Variants in PCDHA8 observed in about 807,000 individuals in gnomAD.
PCDHA8 encodes protocadherin alpha 8, also known as protocadherin alpha-8.
In PCDHA8, 53 loss-of-function variants were observed where a neutral mutation model predicts 61.8. The ratio of observed to expected loss-of-function variants is 0.86; its 90% confidence interval spans 0.69 to 1.08. The LOEUF (loss-of-function observed/expected upper bound fraction) is 1.08. PCDHA8 is among the 50% of genes least tolerant of loss of function. The pLI, the probability that PCDHA8 is intolerant of heterozygous loss-of-function variation, is 0.00. For synonymous variants in PCDHA8, 618 were observed against 556.6 expected, an observed-to-expected ratio of 1.11 and a Z score of -1.55; for missense variants, 1,293 against 1,245.0, an observed-to-expected ratio of 1.04 and a Z score of -0.58.
At chr5:140,993,777 G>A (rs1397168086) in intron 3 of PCDHA8, among the ~76,000 whole-genome samples, 1 of 152,042 alleles carries the variant, frequency 6.6e-6, no homozygotes, top group Non-Finnish European at 1.5e-5. Flanking sequence ...GCAGTATTTT[G>A]TACAGTAACA....
chr5:140,959,493 A>C (rs533403086), intron 1 of PCDHA8, among the ~76,000 whole-genome samples: 3 of 152,280 alleles, frequency 2.0e-5, no homozygotes, highest in South Asian at 2.1e-4. Context: ...TTATATATGG[A>C]TCAAACTAAA....
chr5:140,856,074 G>A, intron 1 of PCDHA8: 1 of 1,592,254 alleles, frequency 6.3e-7, no homozygotes, highest in Non-Finnish European at 8.6e-7. Context: ...AGCTGCCTGG[G>A]GGTCCAGTGT....
At chr5:140,929,010 G>A in intron 1 of PCDHA8, 2 of 1,614,128 alleles carry the variant, frequency 1.2e-6, no homozygotes, top group Non-Finnish European at 1.7e-6. Flanking sequence ...TGTGTACCAA[G>A]TTGCACCAGA....
intron 1 of PCDHA8, chr5:140,869,196 C>G (rs2050913789): frequency 6.2e-7 from 1 of 1,614,030 alleles, no homozygotes; most frequent in Non-Finnish European, 8.5e-7. Flanking sequence ...GCGGCCAGCT[C>G]CACTACTCCG....
chr5:140,941,191 T>TTTTTCTTTC lies in PCDHA8; in HGVS notation c.2395-37755_2395-37754insTCTTTCTTT, dbSNP rs1554213809. 3.1e-4 allele frequency among the ~76,000 whole-genome samples: 29 copies of TTTTTCTTTC among 93,252 alleles called. No homozygotes were observed. The East Asian group carries it at 6.1e-3, about 20-fold the overall frequency. 61.2% of individuals were successfully genotyped at this position (93,252 alleles called of 152,430 possible). On this transcript the variant is annotated intron_variant, in intron 1 of 3. Transcript: ENST00000531613. ...CATCTTGAACATCCTGCTTCTTTTT[T>TTTTTCTTTC]TTTCTTTCTTCCTTTCTTTCTTCCT...
chr5:141,004,933 AAAAT>A (rs1336216932), intron 3 of PCDHA8, among the ~76,000 whole-genome samples: 1 of 152,198 alleles, frequency 6.6e-6, no homozygotes, highest in Non-Finnish European at 1.5e-5. Flanking sequence ...AAGAGAGAAG[AAAAT>A]TTCTTACCCT....
In PCDHA8 at chr5:140,851,551, T is replaced by C; in HGVS notation, c.2394+7836T>C. Reference sequence around the variant, plus strand: ...GACAATGTAGATAATTCAAGAAATGTTGACTGAAATTTTGTCTACACTTAG... The same window carrying C: ...GACAATGTAGATAATTCAAGAAATGCTGACTGAAATTTTGTCTACACTTAG... On this transcript the variant is annotated intron_variant, in intron 1 of 3. Coordinates refer to ENST00000531613, the MANE Select transcript of PCDHA8 (RefSeq NM_018911.3). The C allele has an allele frequency of 5.5e-6, 5 of 908,010 alleles. No individual in the cohort carries two copies. In the South Asian group the frequency reaches 2.0e-4, roughly 36 times the overall value. The allele number at this position is 908,010 out of a possible 1,614,324, so 56.2% of individuals were successfully genotyped here. A position where few individuals can be genotyped will look rare whatever the true frequency, so the allele number is the denominator to read the frequency against.
intron 1 of PCDHA8, among the ~76,000 whole-genome samples, chr5:140,872,820 T>C (rs1233972983): frequency 6.6e-6 from 1 of 152,216 alleles, no homozygotes; most frequent in African/African-American, 2.4e-5. Flanking sequence ...TTCAGATTCA[T>C]CTAGCAGAGA....
At position 140,842,234 on chromosome 5, in the gene PCDHA8, C is replaced by T. The variant is rs2150332362; in HGVS notation, c.913C>T (p.Arg305Trp). 8 of 1,612,528 alleles carry T rather than the reference C, an allele frequency of 5.0e-6. No homozygotes were observed. Among genetic ancestry groups the T allele is most frequent in the Admixed American group, 1.7e-5 (1 of 59,984 alleles). The change falls in exon 1 of 4, where the codon CGG (arginine) becomes TGG (tryptophan). Residue 305 changes from arginine (R) to tryptophan (W), a missense_variant. Physicochemically the swap from Arg to Trp is moderately radical, Grantham distance 101. Coordinates refer to ENST00000531613, the MANE Select transcript of PCDHA8 (RefSeq NM_018911.3). The part of the protein sequence containing the change: ...IDRNTGEIVI[R>W]GNLDFEQENL... ...TCGAAATACGGGAGAAATAGTGATT[C>T]GGGGTAATTTGGATTTTGAACAAGA...
At chr5:140,950,458 A>G (rs568340492) in intron 1 of PCDHA8, among the ~76,000 whole-genome samples, 5 of 152,142 alleles carry the variant, frequency 3.3e-5, no homozygotes, top group Admixed American at 2.6e-4. Flanking sequence ...CTGTCTTCTA[A>G]TGCTCATAGT....
At chr5:140,882,633 A>G in intron 1 of PCDHA8, 1 of 1,614,220 alleles carries the variant, frequency 6.2e-7, no homozygotes, top group Non-Finnish European at 8.5e-7. Context: ...GTGGAGGTGA[A>G]GGTGAGGGAC....
intron 1 of PCDHA8, among the ~76,000 whole-genome samples, chr5:140,892,059 G>A (rs1165045634): frequency 6.6e-6 from 1 of 152,108 alleles, no homozygotes; most frequent in African/African-American, 2.4e-5. Context: ...CAAATTTATT[G>A]TTACTTTGTA....
chr5:140,906,816 G>A (rs574852506), intron 1 of PCDHA8, among the ~76,000 whole-genome samples: 6 of 152,360 alleles, frequency 3.9e-5, no homozygotes, highest in African/African-American at 1.4e-4. Context: ...TACCTCCACT[G>A]TGGAGTAGTA....
chr5:140,845,017 A>T lies in PCDHA8; in HGVS notation c.2394+1302A>T, dbSNP rs1779662524. On this transcript the variant is annotated intron_variant, in intron 1 of 3. Transcript: ENST00000531613. ...TCACTTATGAACAAATAATGTAATC[A>T]TTTATGGGCATATTTTAGCCCCCTT... Among the ~76,000 whole-genome samples, 2 of 149,310 alleles carry T rather than the reference A, an allele frequency of 1.3e-5. 1 individual carries two copies. The highest frequency in any genetic ancestry group is 3.0e-5 in the Non-Finnish European group (2 of 66,738).
In PCDHA8 at chr5:140,857,166, T is replaced by A. The variant is rs1554149611; in HGVS notation, c.2394+13451T>A. ...GGCACCGTCATTGCCCTAATCAGCG[T>A]TTCTGACCATGATTCAGGAGCCAAC... On this transcript the variant is annotated intron_variant, in intron 1 of 3. Transcript: ENST00000531613. 3.1e-6 allele frequency: 5 copies of A among 1,598,172 alleles called. No homozygotes were observed. The African/African-American group carries it at 5.4e-5, about 17-fold the overall frequency.
At chr5:140,936,630 T>C (rs1309907947) in intron 1 of PCDHA8, among the ~76,000 whole-genome samples, 1 of 152,234 alleles carries the variant, frequency 6.6e-6, no homozygotes, top group Non-Finnish European at 1.5e-5. Context: ...GCTACCTTTG[T>C]CATAAGCAAC....
intron 1 of PCDHA8, chr5:140,870,945 G>A (rs782397621): frequency 1.2e-6 from 2 of 1,613,724 alleles, no homozygotes; most frequent in Non-Finnish European, 1.7e-6. Context: ...AGCCGGCGGC[G>A]GGCGGCTCGC....
chr5:140,887,632 G>T (rs1554183131), intron 1 of PCDHA8, among the ~76,000 whole-genome samples: 1 of 151,834 alleles, frequency 6.6e-6, no homozygotes, highest in Admixed American at 6.6e-5. Context: ...ATGTTAGTCT[G>T]TTGGGGTTTG....
At chr5:140,886,830 A>G (rs2061165550) in intron 1 of PCDHA8, among the ~76,000 whole-genome samples, 1 of 150,424 alleles carries the variant, frequency 6.6e-6, no homozygotes, top group Non-Finnish European at 1.5e-5. Flanking sequence ...TCGTCTTGAA[A>G]AAAAAAAAAA....
Sources: gnomAD v4.1 joint callset for allele counts (sites outside exome capture counted in the v4.1 genomes callset) on GRCh38, gnomAD v4.1.1 for gene constraint, MANE v1.5 for transcripts, NCBI Gene and HGNC (gene_info 2026-07-23, HGNC 2026-07-21) for gene names.